CORO2B: variants seen among roughly 807,000 people sequenced by gnomAD.
CORO2B encodes coronin-2B.
In CORO2B, 26 loss-of-function variants were observed where a neutral mutation model predicts 58.8. The observed-to-expected ratio is 0.44, with a 90% CI of 0.32 to 0.61. The LOEUF (loss-of-function observed/expected upper bound fraction) is 0.61, where lower values mean the gene tolerates loss of function less well. CORO2B is among the 20% of genes least tolerant of loss of function. The pLI is 0.04. For synonymous variants in CORO2B, 242 were observed against 253.8 expected (o/e 0.95, Z 0.44); for missense variants, 460 against 645.1 (o/e 0.71, Z 3.11).
At chr15:68,582,537 G>T (rs1899454096) in intron 1 of CORO2B, among the ~76,000 whole-genome samples, 1 of 152,142 alleles carries the variant, frequency 6.6e-6, no homozygotes, top group Admixed American at 6.5e-5. Context: ...TAATTTTCTT[G>T]TTCTGTTCCA....
intron 10 of CORO2B, 89 bp downstream of exon 10, chr15:68,719,323 T>C (rs1893107301): frequency 2.5e-6 from 4 of 1,598,410 alleles, no homozygotes; most frequent in African/African-American, 2.7e-5. Context: ...TCTGTCCCCC[T>C]GTTTGAACTT....
chr15:68,555,510 G>A, the CORO2B span, among the ~76,000 whole-genome samples: 1 of 152,190 alleles, frequency 6.6e-6, no homozygotes, highest in Non-Finnish European at 1.5e-5. Flanking sequence ...AGAGAAGGCT[G>A]CCTGCTCCAT....
intron 11 of CORO2B, among the ~76,000 whole-genome samples, chr15:68,722,888 T>C (rs1893196549): frequency 6.6e-6 from 1 of 151,808 alleles, no homozygotes; most frequent in Non-Finnish European, 1.5e-5. Context: ...ACCAACATGG[T>C]GAAACCCTGT....
chr15:68,554,115 A>C, the CORO2B span, among the ~76,000 whole-genome samples: 1 of 152,208 alleles, frequency 6.6e-6, no homozygotes, highest in South Asian at 2.1e-4. Context: ...AGGGCTCAGC[A>C]GGTGGGCTTG....
intron 1 of CORO2B, among the ~76,000 whole-genome samples, chr15:68,607,944 C>A (rs547359408): frequency 1.3e-5 from 2 of 152,290 alleles, no homozygotes; most frequent in African/African-American, 4.8e-5. Context: ...ATCTTCTTGT[C>A]AAAATCACAT....
intron 2 of CORO2B, among the ~76,000 whole-genome samples, chr15:68,692,632 CTT>C (rs139335081): frequency 7.2e-6 from 1 of 139,210 alleles, no homozygotes; most frequent in Non-Finnish European, 1.5e-5. Flanking sequence ...AAAAACTTTC[CTT>C]TTTTTTTTGT....
chr15:68,603,997 GT>G (rs2140240949), intron 1 of CORO2B, among the ~76,000 whole-genome samples: 1 of 152,282 alleles, frequency 6.6e-6, no homozygotes, highest in Non-Finnish European at 1.5e-5. Flanking sequence ...GCACCAGGAG[GT>G]TCAGCATAAG....
At chr15:68,632,310 GC>G in intron 1 of CORO2B, 1 of 985,440 alleles carries the variant, frequency 1.0e-6, no homozygotes, top group African/African-American at 1.7e-5. Flanking sequence ...TTCCTCTGAA[GC>G]TTGTCTGGTG....
chr15:68,662,585 ATGAAT>A (rs1479916131), intron 2 of CORO2B, among the ~76,000 whole-genome samples: 1 of 152,244 alleles, frequency 6.6e-6, no homozygotes, highest in East Asian at 1.9e-4. Context: ...TATTGGAGAG[ATGAAT>A]TGAATCATAT....
intron 2 of CORO2B, among the ~76,000 whole-genome samples, chr15:68,653,374 T>C (rs751555481): frequency 3.3e-4 from 50 of 152,138 alleles, no homozygotes; most frequent in Admixed American, 7.9e-4. Context: ...GGGAAACTTG[T>C]CTGGTTTGCA....
chr15:68,694,484 C>T (rs1300212132), intron 2 of CORO2B, among the ~76,000 whole-genome samples: 5 of 152,292 alleles, frequency 3.3e-5, no homozygotes, highest in African/African-American at 4.8e-5. Context: ...TGTGGGACTC[C>T]GAAGACTATG....
chr15:68,595,942 G>A (rs142498024), intron 1 of CORO2B, among the ~76,000 whole-genome samples: 219 of 152,228 alleles, frequency 1.4e-3, no homozygotes, highest in African/African-American at 5.1e-3. Context: ...AAGGAGCAGC[G>A]TGAGCAGAGG....
At chr15:68,616,764 C>A in intron 1 of CORO2B, 1 of 294,734 alleles carries the variant, frequency 3.4e-6, no homozygotes, top group Non-Finnish European at 5.0e-6. Context: ...ATGGGGGAGA[C>A]AGACAGGTGT....
intron 2 of CORO2B, among the ~76,000 whole-genome samples, chr15:68,664,444 G>A (rs1455052212): frequency 2.0e-5 from 3 of 152,076 alleles, no homozygotes; most frequent in Non-Finnish European, 4.4e-5. Context: ...TCAGGAGATC[G>A]AGCCCATCCT....
chr15:68,559,871 G>A, the CORO2B span, among the ~76,000 whole-genome samples: 1 of 152,282 alleles, frequency 6.6e-6, no homozygotes, highest in Non-Finnish European at 1.5e-5. The surrounding 1 kb of genome is among the most constrained non-coding windows in gnomAD (Gnocchi z 4.3). Flanking sequence ...CACAAGGCGT[G>A]TGGCTCTTGG....
At chr15:68,578,627 C>T (rs1899333753), upstream of CORO2B, among the ~76,000 whole-genome samples, 1 of 152,056 alleles carries the variant, frequency 6.6e-6, no homozygotes, top group Admixed American at 6.5e-5. The surrounding 1 kb of genome is among the most constrained non-coding windows in gnomAD (Gnocchi z 4.2). Flanking sequence ...AACCCGACCG[C>T]CTTCTTTGCC....
At chr15:68,717,190 T>C (rs1893051796) in intron 8 of CORO2B, among the ~76,000 whole-genome samples, 1 of 151,908 alleles carries the variant, frequency 6.6e-6, no homozygotes, top group East Asian at 1.9e-4. Flanking sequence ...GATACACCCC[T>C]GTAATCCCAG....
chr15:68,678,237 GAGTC>G (rs1188053883), intron 2 of CORO2B, among the ~76,000 whole-genome samples: 1 of 152,202 alleles, frequency 6.6e-6, no homozygotes, highest in Non-Finnish European at 1.5e-5. Flanking sequence ...GTCAGAGAAG[GAGTC>G]AGGCAGAACA....
chr15:68,695,155 C>T lies in CORO2B; in HGVS notation c.232C>T (p.Pro78Ser). The T allele has an allele frequency of 6.2e-7, 1 of 1,613,878 alleles. No individual in the cohort carries two copies. The highest frequency in any genetic ancestry group is 8.5e-7 in the Non-Finnish European group (1 of 1,179,846). The change falls in exon 3 of 12, where the codon CCC becomes TCC. Residue 78 changes from proline to serine, a missense_variant. By Grantham distance (74) the Pro-to-Ser change is moderately conservative (BLOSUM62 -1). Around this residue, in one of 2 missense-constraint regions of CORO2B, gnomAD observed 352 missense variants for 543.0 expected, o/e 0.65. Transcript: ENST00000261861. ...TCCTCTGCAGACAGGCAGGATTGAA[C>T]CCAACTACCCCAAGGTCTGCGGCCA... Reference protein sequence around the residue: ...IPLEQTGRIEPNYPKVCGHQG... With the variant: ...IPLEQTGRIESNYPKVCGHQG...
Sources: allele counts gnomAD v4.1 joint callset (sites outside exome capture counted in the v4.1 genomes callset), GRCh38; gene constraint gnomAD v4.1.1; regional missense constraint gnomAD v4.1.1; non-coding constraint Gnocchi (gnomAD v3.1); transcripts MANE v1.5; gene names NCBI Gene and HGNC (gene_info 2026-07-23, HGNC 2026-07-21).